ABTB3: variants seen among roughly 807,000 people sequenced by gnomAD.
The protein encoded by ABTB3 is ankyrin repeat and BTB domain containing 3.
At chr12:107,342,244 C>T in the ABTB3 span, among the ~76,000 whole-genome samples, 1 of 151,770 alleles carries the variant, frequency 6.6e-6, no homozygotes, top group African/African-American at 2.4e-5. Flanking sequence ...ATTCATATTC[C>T]TCATTTTTTT....
chr12:107,617,588 T>C, the ABTB3 span: 1 of 990,682 alleles, frequency 1.0e-6, no homozygotes, highest in East Asian at 2.6e-5. Flanking sequence ...AGAGCGACCC[T>C]ACCTGCCAGC....
chr12:107,396,044 C>G, the ABTB3 span, among the ~76,000 whole-genome samples: 1 of 152,238 alleles, frequency 6.6e-6, no homozygotes, highest in Non-Finnish European at 1.5e-5. Context: ...GCAGGACTAG[C>G]TCCTGGCCCC....
the ABTB3 span, among the ~76,000 whole-genome samples, chr12:107,388,840 T>C: frequency 6.6e-6 from 1 of 152,256 alleles, no homozygotes; most frequent in Non-Finnish European, 1.5e-5. Flanking sequence ...ATGAACATGG[T>C]CAAGTTGTTA....
At chr12:107,597,753 C>G in the ABTB3 span, among the ~76,000 whole-genome samples, 3 of 152,188 alleles carry the variant, frequency 2.0e-5, no homozygotes, top group South Asian at 6.2e-4. Context: ...TGTAATGTAT[C>G]AGCCATTGCA....
the ABTB3 span, among the ~76,000 whole-genome samples, chr12:107,323,236 G>A: frequency 2.0e-5 from 3 of 152,036 alleles, no homozygotes; most frequent in Non-Finnish European, 2.9e-5. Flanking sequence ...CACCTCAGCC[G>A]AGTAGCTGGG....
chr12:107,411,296 C>CT, the ABTB3 span, among the ~76,000 whole-genome samples: 1 of 152,200 alleles, frequency 6.6e-6, no homozygotes, highest in Non-Finnish European at 1.5e-5. Context: ...GAGACTCCGT[C>CT]TCCCCCCTCC....
the ABTB3 span, among the ~76,000 whole-genome samples, chr12:107,413,309 A>T: frequency 6.6e-6 from 1 of 152,140 alleles, no homozygotes; most frequent in African/African-American, 2.4e-5. Flanking sequence ...AAATTTGGGA[A>T]CTGCCACCTT....
the ABTB3 span, among the ~76,000 whole-genome samples, chr12:107,508,453 T>TG: frequency 6.6e-4 from 81 of 123,354 alleles, 1 homozygote; most frequent in East Asian, 0.014. Flanking sequence ...TTTTTTTTTT[T>TG]TTTTTTTTTT....
chr12:107,541,375 C>G, the ABTB3 span, among the ~76,000 whole-genome samples: 1 of 152,222 alleles, frequency 6.6e-6, no homozygotes, highest in Admixed American at 6.5e-5. Flanking sequence ...GGGCTAGCAT[C>G]ATGTCAGATA....
At chr12:107,350,241 C>T in the ABTB3 span, among the ~76,000 whole-genome samples, 1 of 152,076 alleles carries the variant, frequency 6.6e-6, no homozygotes, top group Non-Finnish European at 1.5e-5. Context: ...GTGCATTTCT[C>T]AGATAAAATG....
chr12:107,620,680 C>G, the ABTB3 span, among the ~76,000 whole-genome samples: 1 of 152,064 alleles, frequency 6.6e-6, no homozygotes, highest in Non-Finnish European at 1.5e-5. Context: ...AAAGCCAGGC[C>G]CTGGGAGAAG....
the ABTB3 span, among the ~76,000 whole-genome samples, chr12:107,419,325 G>A: frequency 1.7e-3 from 254 of 152,276 alleles, no homozygotes; most frequent in African/African-American, 5.9e-3. Context: ...TATGCAAGTG[G>A]AGCACTTAGA....
At chr12:107,457,701 A>G in the ABTB3 span, among the ~76,000 whole-genome samples, 1 of 152,230 alleles carries the variant, frequency 6.6e-6, no homozygotes, top group African/African-American at 2.4e-5. Flanking sequence ...ACTGTCACCC[A>G]GGGCCCTGGA....
chr12:107,602,760 T>C, the ABTB3 span, among the ~76,000 whole-genome samples: 1 of 152,148 alleles, frequency 6.6e-6, no homozygotes, highest in Non-Finnish European at 1.5e-5. Flanking sequence ...TCACAAAGCA[T>C]CCAGAGATCA....
the ABTB3 span, among the ~76,000 whole-genome samples, chr12:107,455,040 A>T: frequency 6.6e-6 from 1 of 152,242 alleles, no homozygotes; most frequent in Non-Finnish European, 1.5e-5. Flanking sequence ...GAGAAGAGAC[A>T]TTGCTATTAT....
the ABTB3 span, among the ~76,000 whole-genome samples, chr12:107,615,937 G>A: frequency 5.3e-5 from 8 of 152,244 alleles, no homozygotes; most frequent in African/African-American, 1.7e-4. Flanking sequence ...CCTTTTGTGT[G>A]GTCCATGCCT....
chr12:107,649,073 C>A, the ABTB3 span: 2 of 730,922 alleles, frequency 2.7e-6, no homozygotes, highest in African/African-American at 1.7e-5. Flanking sequence ...TCACTGGTGA[C>A]ATGGAAATGG....
the ABTB3 span, among the ~76,000 whole-genome samples, chr12:107,369,583 G>C: frequency 1.3e-5 from 2 of 151,456 alleles, no homozygotes; most frequent in Admixed American, 1.3e-4. Flanking sequence ...ATTTTTAAGA[G>C]AGACAGGATT....
the ABTB3 span, chr12:107,618,496 A>C: frequency 2.4e-6 from 2 of 833,960 alleles, no homozygotes; most frequent in Non-Finnish European, 3.7e-6. Flanking sequence ...ATGCACACAC[A>C]CGTGCACACA....
Sources: gnomAD v4.1 joint callset for allele counts (sites outside exome capture counted in the v4.1 genomes callset) on GRCh38, gnomAD v4.1.1 for gene constraint, MANE v1.5 for transcripts, NCBI Gene and HGNC (gene_info 2026-07-23, HGNC 2026-07-21) for gene names.